NAALADL2: variants seen among roughly 807,000 people sequenced by gnomAD.
NAALADL2 encodes N-acetylated alpha-linked acidic dipeptidase like 2.
NAALADL2 carries 76 observed loss-of-function variants against 87.2 expected under a neutral mutation model. The observed-to-expected ratio is 0.87, with a 90% CI of 0.72 to 1.05. The LOEUF (loss-of-function observed/expected upper bound fraction) is 1.05, where lower values mean the gene tolerates loss of function less well. NAALADL2 is among the 50% of genes least tolerant of loss of function. The probability of loss-of-function intolerance (pLI) is 0.00; values close to 1 mark genes in which losing one functional copy is unlikely to be tolerated. For synonymous variants in NAALADL2, 354 were observed against 331.0 expected, an observed-to-expected ratio of 1.07 and a Z score of -0.75; for missense variants, 1,089 against 945.8, an observed-to-expected ratio of 1.15 and a Z score of -1.99.
intron 5 of NAALADL2, among the ~76,000 whole-genome samples, chr3:175,329,614 A>G (rs983898468): frequency 6.6e-6 from 1 of 152,176 alleles, no homozygotes. Context: ...CAGTATGAAT[A>G]TCTGTCACTT....
chr3:174,677,692 TAATG>T (rs1483687996), intron 2 of NAALADL2, among the ~76,000 whole-genome samples: 1 of 152,074 alleles, frequency 6.6e-6, no homozygotes, highest in African/African-American at 2.4e-5. Flanking sequence ...TGTTAATTAA[TAATG>T]AATATTGTTG....
intron 13 of NAALADL2, among the ~76,000 whole-genome samples, chr3:175,799,948 AAGT>A (rs1252990947): frequency 6.6e-6 from 1 of 152,172 alleles, no homozygotes; most frequent in African/African-American, 2.4e-5. Context: ...CTGCGCCTGG[AAGT>A]AGAGACAAAA....
intron 1 of NAALADL2, among the ~76,000 whole-genome samples, chr3:174,945,109 A>C (rs1739205216): frequency 6.6e-6 from 1 of 152,212 alleles, no homozygotes; most frequent in African/African-American, 2.4e-5. Context: ...AAGATCATGC[A>C]GTGCTTACAA....
chr3:175,437,753 A>G (rs1319136206), intron 5 of NAALADL2, among the ~76,000 whole-genome samples: 1 of 152,074 alleles, frequency 6.6e-6, no homozygotes, highest in Non-Finnish European at 1.5e-5. Flanking sequence ...CAAAACAGAG[A>G]TATAGATCAA....
chr3:175,564,954 G>A (rs952913803), intron 9 of NAALADL2, among the ~76,000 whole-genome samples: 9 of 152,182 alleles, frequency 5.9e-5, no homozygotes, highest in Admixed American at 4.6e-4. Context: ...TGCTAAAAAA[G>A]TGCCAATGTG....
At chr3:174,718,256 A>G (rs1334987369) in intron 2 of NAALADL2, among the ~76,000 whole-genome samples, 9 of 152,314 alleles carry the variant, frequency 5.9e-5, no homozygotes, top group Admixed American at 5.2e-4. Context: ...TGGATGTAAG[A>G]TCACATATTA....
chr3:174,839,348 A>G lies in NAALADL2; in HGVS notation c.-9+101602A>G, dbSNP rs548973212. Among the ~76,000 whole-genome samples, 28 of 152,318 alleles carry G rather than the reference A, an allele frequency of 1.8e-4. No individual in the cohort carries two copies. The South Asian group carries it at 5.6e-3, about 30-fold the overall frequency. On this transcript the variant is annotated intron_variant, in intron 3 of 3. Coordinates refer to the NAALADL2 transcript ENST00000434257. ...TACCTTATACAAAAATCAACTCAAG[A>G]TGGATCAAGGACTTAAACCTAAGAC...
In NAALADL2 at chr3:175,447,209, C is replaced by G. The variant is rs771741939; in HGVS notation, c.1091-20C>G. 1.3e-6 allele frequency: 2 copies of G among 1,535,072 alleles called. No homozygotes were observed. Among genetic ancestry groups the G allele is most frequent in the Non-Finnish European group, 1.8e-6 (2 of 1,140,036 alleles). ...ATTTCTGTTTACTAAGGATTATCTT[C>G]CTTTGTCTTTTGAATACAGATGAAA... On this transcript the variant is annotated intron_variant, in intron 5 of 13. Transcript: ENST00000454872.
chr3:174,974,981 C>T (rs1744184976), intron 1 of NAALADL2, among the ~76,000 whole-genome samples: 1 of 152,126 alleles, frequency 6.6e-6, no homozygotes, highest in Admixed American at 6.5e-5. Context: ...TGGGGAATTA[C>T]AGAAACTTTT....
intron 4 of NAALADL2, among the ~76,000 whole-genome samples, chr3:175,268,013 T>G (rs1382163765): frequency 6.6e-6 from 1 of 152,218 alleles, no homozygotes; most frequent in Non-Finnish European, 1.5e-5. Flanking sequence ...GAACAGTTCC[T>G]ACTTTCACTG....
At chr3:175,080,177 G>T (rs1717510174) in intron 1 of NAALADL2, among the ~76,000 whole-genome samples, 1 of 152,138 alleles carries the variant, frequency 6.6e-6, no homozygotes, top group African/African-American at 2.4e-5. Flanking sequence ...GTGTTAGCCA[G>T]GATGGTCTCG....
intron 5 of NAALADL2, among the ~76,000 whole-genome samples, chr3:175,324,713 A>G (rs1040425562): frequency 2.0e-5 from 3 of 152,218 alleles, no homozygotes; most frequent in African/African-American, 4.8e-5. Flanking sequence ...AATAACTTTA[A>G]GTCCAGGGTT....
Position 175,612,000 on chromosome 3 carries a change from A to G in NAALADL2, c.1801-15291A>G, listed in dbSNP as rs139838160. ...TAAATGGATTTAGCTAAAGGAAAAC[A>G]TTGCCCTAAATTACAGATATTCCAG... On this transcript the variant is annotated intron_variant, in intron 10 of 13. Coordinates refer to ENST00000454872, the MANE Select transcript of NAALADL2 (RefSeq NM_207015.3). 6.7e-3 allele frequency among the ~76,000 whole-genome samples: 1,025 copies of G among 152,322 alleles called. 6 individuals are homozygous for G. The highest frequency in any genetic ancestry group is 0.01 in the Non-Finnish European group (702 of 68,006).
intron 9 of NAALADL2, among the ~76,000 whole-genome samples, chr3:175,506,169 A>AAAAAT (rs916439575): frequency 3.3e-5 from 5 of 152,298 alleles, no homozygotes; most frequent in Admixed American, 6.5e-5. Context: ...GGTGAAATGG[A>AAAAAT]AAAATAAAAT....
chr3:175,108,860 T>C (rs1723703435), intron 2 of NAALADL2, among the ~76,000 whole-genome samples: 1 of 151,694 alleles, frequency 6.6e-6, no homozygotes, highest in Non-Finnish European at 1.5e-5. Context: ...CCAAGAAAAA[T>C]TGTGTCAGGT....
intron 2 of NAALADL2, among the ~76,000 whole-genome samples, chr3:174,625,058 T>TCTCTC (rs11282183): frequency 8.9e-5 from 2 of 22,474 alleles, no homozygotes; most frequent in African/African-American, 7.3e-4. Flanking sequence ...TCTCTCTCTC[T>TCTCTC]TTTTTTTTTT....
Position 175,534,653 on chromosome 3 carries a change from CTTTTT to C in NAALADL2, c.1654-41380_1654-41376del, listed in dbSNP as rs113648294. Among the ~76,000 whole-genome samples, 732 of 145,476 alleles carry C rather than the reference CTTTTT, an allele frequency of 5.0e-3. 7 individuals are homozygous for C. The highest frequency in any genetic ancestry group is 0.018 in the African/African-American group (700 of 39,902). ...CTTCCACTTGCATTTATATTGTCAG[CTTTTT>C]TTTTTTTCTTTCCAATTAACAGAAA... On this transcript the variant is annotated intron_variant, in intron 9 of 13. Transcript: ENST00000454872.
intron 5 of NAALADL2, among the ~76,000 whole-genome samples, chr3:175,404,098 C>A (rs1477422569): frequency 6.6e-6 from 1 of 151,948 alleles, no homozygotes; most frequent in East Asian, 1.9e-4. Flanking sequence ...AGTTTCTGAG[C>A]CCCAAGCTGA....
intron 2 of NAALADL2, among the ~76,000 whole-genome samples, chr3:174,609,829 G>A (rs1210967522): frequency 1.3e-5 from 2 of 151,986 alleles, no homozygotes; most frequent in Admixed American, 6.6e-5. Flanking sequence ...AGTTCATATG[G>A]AACCAAAAAA....
Sources: allele counts gnomAD v4.1 joint callset (sites outside exome capture counted in the v4.1 genomes callset), GRCh38; gene constraint gnomAD v4.1.1; transcripts MANE v1.5; gene names NCBI Gene and HGNC (gene_info 2026-07-23, HGNC 2026-07-21).